RFX8: variants seen among roughly 807,000 people sequenced by gnomAD.
The protein encoded by RFX8 is DNA-binding protein RFX8.
A neutral mutation model predicts 54.6 loss-of-function variants in RFX8; 46 were observed. The ratio of observed to expected loss-of-function variants is 0.84; its 90% CI spans 0.67 to 1.08. The LOEUF (loss-of-function observed/expected upper bound fraction) is 1.08, where lower values mean the gene tolerates loss of function less well. RFX8 is among the 50% of genes least tolerant of loss of function. The pLI, the probability that RFX8 is intolerant of heterozygous loss-of-function variation, is 0.00. For synonymous variants in RFX8, 192 were observed against 209.5 expected (o/e 0.92, Z 0.72); for missense variants, 536 against 562.3 (o/e 0.95, Z 0.47).
chr2:101,438,206 TATTTTTTTA>T (rs1310648048), intron 2 of RFX8, among the ~76,000 whole-genome samples: 1 of 61,738 alleles, frequency 1.6e-5, no homozygotes, highest in Non-Finnish European at 5.1e-5. Flanking sequence ...ATTATACTTT[TATTTTTTTA>T]ATATACAATT....
At position 101,417,566 on chromosome 2, in the gene RFX8, A is replaced by G; in HGVS notation, c.470T>C (p.Val157Ala). The G allele has an allele frequency of 6.4e-7, 1 of 1,551,426 alleles. No homozygotes were observed. The highest frequency in any genetic ancestry group is 8.7e-7 in the Non-Finnish European group (1 of 1,146,808). Residue 157 changes from valine (V) to alanine (A), a missense_variant, in exon 6 of 12, where the codon GTT becomes GCT. Val to Ala is a moderately conservative substitution (Grantham distance 64). Transcript: ENST00000428343. Reference sequence around the variant, plus strand: ...TTTGGAGATCTGCAAGAGGGCTGGAACACCTTCCAAAGCATTAAGGAGCCA... The same window carrying G: ...TTTGGAGATCTGCAAGAGGGCTGGAGCACCTTCCAAAGCATTAAGGAGCCA... The part of the protein sequence containing the change: ...KLWLLNALEG[V>A]PALLQISKLK...
At chr2:101,461,259 T>A (rs1449829361) in intron 2 of RFX8, among the ~76,000 whole-genome samples, 2 of 23,642 alleles carry the variant, frequency 8.5e-5, no homozygotes, top group African/African-American at 3.6e-4. Flanking sequence ...TGAGACTCCA[T>A]CTCAAAAAAA....
chr2:101,399,879 G>T (rs1685333091), intron 11 of RFX8, among the ~76,000 whole-genome samples: 1 of 152,124 alleles, frequency 6.6e-6, no homozygotes, highest in African/African-American at 2.4e-5. Context: ...ACCAATTTTG[G>T]AATTAAAGCA....
intron 2 of RFX8, among the ~76,000 whole-genome samples, chr2:101,428,375 C>T (rs1573408443): frequency 6.6e-6 from 1 of 152,324 alleles, no homozygotes; most frequent in South Asian, 2.1e-4. Flanking sequence ...CTCTTTCCAC[C>T]ACGTGAGACA....
intron 2 of RFX8, among the ~76,000 whole-genome samples, chr2:101,450,103 A>G (rs190010784): frequency 3.9e-5 from 6 of 152,354 alleles, no homozygotes; most frequent in Middle Eastern, 3.4e-3. Context: ...ACAAAGGGAC[A>G]TTGGTTAAAT....
chr2:101,466,080 A>G (rs1689558428), intron 2 of RFX8, among the ~76,000 whole-genome samples: 1 of 152,214 alleles, frequency 6.6e-6, no homozygotes, highest in Non-Finnish European at 1.5e-5. Context: ...AATCATTTCA[A>G]TGTTTTGTAA....
chr2:101,397,412 T>C lies in RFX8; in HGVS notation c.*136A>G. 2.0e-6 allele frequency: 1 copy of C among 494,428 alleles called. No homozygotes were observed. Among genetic ancestry groups the C allele is most frequent in the Non-Finnish European group, 3.3e-6 (1 of 304,868 alleles). The allele number at this position is 494,428 out of a possible 1,614,324, so 30.6% of individuals were successfully genotyped here. On this transcript the variant is annotated 3_prime_UTR_variant, in exon 12 of 12. Coordinates refer to ENST00000428343, the MANE Select transcript of RFX8 (RefSeq NM_001145664.2). ...ATCGAAACCACCTCCTTGAAATACATATAAACATAAAATAGACAATGCTAC... is the reference window on the plus strand; with the variant it reads ...ATCGAAACCACCTCCTTGAAATACACATAAACATAAAATAGACAATGCTAC...
Position 101,405,973 on chromosome 2 carries a change from C to T in RFX8, c.898G>A (p.Ala300Thr). Residue 300 changes from alanine (A) to threonine (T), a missense_variant, in exon 10 of 12, where the codon GCC becomes ACC. Ala to Thr is a moderately conservative substitution (Grantham distance 58). Coordinates refer to ENST00000428343, the MANE Select transcript of RFX8 (RefSeq NM_001145664.2). ...WNLLLTAVSK[A>T]MTLCHRDSFG... Reference sequence around the variant, plus strand: ...CTATCTCTGTGGCAGAGGGTCATGGCTTTGCTTACAGCAGTGAGAAGAAGA... The same window carrying T: ...CTATCTCTGTGGCAGAGGGTCATGGTTTTGCTTACAGCAGTGAGAAGAAGA... 5 of 1,546,914 alleles carry T rather than the reference C, an allele frequency of 3.2e-6. No homozygotes were observed. Among genetic ancestry groups the T allele is most frequent in the Non-Finnish European group, 4.4e-6 (5 of 1,144,774 alleles).
chr2:101,447,040 G>A (rs993396529), intron 2 of RFX8, among the ~76,000 whole-genome samples: 2 of 152,294 alleles, frequency 1.3e-5, no homozygotes, highest in African/African-American at 2.4e-5. Flanking sequence ...CTGGTTTGGC[G>A]CAGAGCACAG....
At chr2:101,436,940 C>T (rs1317209569) in intron 2 of RFX8, among the ~76,000 whole-genome samples, 1 of 152,112 alleles carries the variant, frequency 6.6e-6, no homozygotes, top group Non-Finnish European at 1.5e-5. Context: ...AGGAAGGAGT[C>T]GCACTCCAAC....
intron 4 of RFX8, chr2:101,421,336 C>A: frequency 1.0e-6 from 1 of 992,274 alleles, no homozygotes; most frequent in Non-Finnish European, 1.2e-6. Context: ...CACTCAGCTG[C>A]GAAGTCCTGC....
At chr2:101,414,033 C>T (rs748168080) in intron 7 of RFX8, among the ~76,000 whole-genome samples, 4 of 152,170 alleles carry the variant, frequency 2.6e-5, no homozygotes, top group East Asian at 1.9e-4. Context: ...GCCCACGAGC[C>T]GGGTGCCAGC....
At chr2:101,442,540 C>A (rs1688154782) in intron 2 of RFX8, among the ~76,000 whole-genome samples, 1 of 150,890 alleles carries the variant, frequency 6.6e-6, no homozygotes, top group Non-Finnish European at 1.5e-5. Context: ...TATCTCAGCC[C>A]TTGAAACCTT....
At chr2:101,449,498 G>A (rs1322982476) in intron 2 of RFX8, among the ~76,000 whole-genome samples, 1 of 152,166 alleles carries the variant, frequency 6.6e-6, no homozygotes, top group East Asian at 1.9e-4. Flanking sequence ...TGTGACCCAC[G>A]GGGGTCAGGG....
intron 2 of RFX8, among the ~76,000 whole-genome samples, chr2:101,459,554 C>G (rs1318028239): frequency 1.3e-5 from 2 of 152,152 alleles, no homozygotes; most frequent in East Asian, 3.9e-4. Context: ...GGCTGCAGAA[C>G]AGCAAATATC....
chr2:101,448,135 T>C (rs895371332), intron 2 of RFX8, among the ~76,000 whole-genome samples: 3 of 152,214 alleles, frequency 2.0e-5, no homozygotes, highest in Non-Finnish European at 4.4e-5. Flanking sequence ...ATTGTTGCAT[T>C]GGGGATCAGG....
chr2:101,444,802 C>T (rs1306782711), intron 2 of RFX8, among the ~76,000 whole-genome samples: 3 of 152,176 alleles, frequency 2.0e-5, no homozygotes, highest in Non-Finnish European at 4.4e-5. Flanking sequence ...GATCAATATG[C>T]TTAGAAGCCC....
intron 2 of RFX8, among the ~76,000 whole-genome samples, chr2:101,455,007 C>CTTTT (rs1553458195): frequency 4.7e-5 from 6 of 128,144 alleles, no homozygotes; most frequent in African/African-American, 1.9e-4. Context: ...CCTAGGTTTT[C>CTTTT]TTTTTCTTTT....
chr2:101,413,332 G>A (rs1042435183), intron 7 of RFX8, among the ~76,000 whole-genome samples: 1 of 152,184 alleles, frequency 6.6e-6, no homozygotes, highest in Non-Finnish European at 1.5e-5. Context: ...CTGCTTCTCT[G>A]CACCACAATC....
Sources: allele counts gnomAD v4.1 joint callset (sites outside exome capture counted in the v4.1 genomes callset), GRCh38; gene constraint gnomAD v4.1.1; transcripts MANE v1.5; gene names NCBI Gene and HGNC (gene_info 2026-07-23, HGNC 2026-07-21).